ATOSA: variants seen among roughly 807,000 people sequenced by gnomAD.
ATOSA encodes the protein atos homolog protein A.
the ATOSA span, among the ~76,000 whole-genome samples, chr15:52,620,122 C>G: frequency 6.6e-6 from 1 of 152,060 alleles, no homozygotes; most frequent in Non-Finnish European, 1.5e-5. Context: ...TTCTGTCCAT[C>G]GAGAAAAGTG....
the ATOSA span, among the ~76,000 whole-genome samples, chr15:52,660,551 A>G: frequency 1.3e-5 from 2 of 152,228 alleles, no homozygotes; most frequent in Non-Finnish European, 2.9e-5. Context: ...TATTTCCTTC[A>G]GCGCACTTGG....
At chr15:52,649,627 A>C in the ATOSA span, 143 of 152,288 alleles carry the variant, frequency 9.4e-4, no homozygotes, top group African/African-American at 3.2e-3. Flanking sequence ...TTTGAGAATT[A>C]AAGTATTTTT....
chr15:52,651,962 A>G, the ATOSA span: 1 of 1,534,716 alleles, frequency 6.5e-7, no homozygotes, highest in Non-Finnish European at 8.7e-7. Flanking sequence ...CTATACTATC[A>G]GTAACTGAGG....
chr15:52,705,577 A>G, the ATOSA span, among the ~76,000 whole-genome samples: 2 of 152,192 alleles, frequency 1.3e-5, no homozygotes, highest in East Asian at 3.8e-4. Context: ...TTGCAGCATT[A>G]CATCAATTTA....
At chr15:52,674,624 T>C in the ATOSA span, among the ~76,000 whole-genome samples, 1 of 152,204 alleles carries the variant, frequency 6.6e-6, no homozygotes, top group Non-Finnish European at 1.5e-5. Flanking sequence ...TATCCTTCTG[T>C]AGCTTTTATA....
chr15:52,596,036 C>T, the ATOSA span, among the ~76,000 whole-genome samples: 2 of 152,082 alleles, frequency 1.3e-5, no homozygotes, highest in Non-Finnish European at 2.9e-5. Flanking sequence ...AATGCTTCAA[C>T]CCAGGAGATC....
the ATOSA span, among the ~76,000 whole-genome samples, chr15:52,648,212 C>T: frequency 6.6e-6 from 1 of 152,078 alleles, no homozygotes; most frequent in Non-Finnish European, 1.5e-5. Context: ...ATCCCACAAT[C>T]ATCCTAAAAT....
At chr15:52,599,169 C>T in the ATOSA span, among the ~76,000 whole-genome samples, 2 of 152,246 alleles carry the variant, frequency 1.3e-5, no homozygotes, top group Non-Finnish European at 2.9e-5. Context: ...ACATATCAGA[C>T]TGCTCTCTTT....
At chr15:52,614,023 T>C in the ATOSA span, 1 of 669,864 alleles carries the variant, frequency 1.5e-6, no homozygotes, top group South Asian at 1.6e-5. Flanking sequence ...ATTCACAAAC[T>C]ACAGAAGTGA....
the ATOSA span, chr15:52,678,439 C>A: frequency 2.8e-5 from 5 of 180,272 alleles, no homozygotes; most frequent in Non-Finnish European, 4.7e-5. Flanking sequence ...CCCCTTCGTA[C>A]AAAAACGCCT....
the ATOSA span, chr15:52,611,320 C>G: frequency 6.4e-7 from 1 of 1,571,736 alleles, no homozygotes; most frequent in Non-Finnish European, 8.6e-7. Context: ...TTTAGAATGG[C>G]AGAAGCTGAG....
the ATOSA span, among the ~76,000 whole-genome samples, chr15:52,634,551 T>TA: frequency 1.3e-5 from 2 of 151,626 alleles, no homozygotes; most frequent in African/African-American, 4.9e-5. Flanking sequence ...TTTTTTTTTT[T>TA]TAAAAAGCAA....
chr15:52,698,201 G>A, the ATOSA span, among the ~76,000 whole-genome samples: 19 of 151,748 alleles, frequency 1.3e-4, no homozygotes, highest in East Asian at 3.1e-3. Flanking sequence ...GGATGGTCTT[G>A]ATCTCCTGAC....
At chr15:52,674,383 C>G in the ATOSA span, among the ~76,000 whole-genome samples, 1 of 152,068 alleles carries the variant, frequency 6.6e-6, no homozygotes, top group African/African-American at 2.4e-5. Context: ...CTTGAAACAC[C>G]AGGTATTCAA....
At chr15:52,583,259 T>C in the ATOSA span, among the ~76,000 whole-genome samples, 1 of 152,232 alleles carries the variant, frequency 6.6e-6, no homozygotes, top group Admixed American at 6.5e-5. Context: ...CTGGCCAGTA[T>C]TGGTTTTGGT....
chr15:52,611,717 T>C, the ATOSA span: 10 of 1,614,016 alleles, frequency 6.2e-6, no homozygotes, highest in Non-Finnish European at 8.5e-6. Context: ...TCCACCATGA[T>C]TGGAAGGTTA....
At chr15:52,670,359 C>T in the ATOSA span, among the ~76,000 whole-genome samples, 71 of 152,144 alleles carry the variant, frequency 4.7e-4, no homozygotes, top group African/African-American at 1.6e-3. Flanking sequence ...TTTACCTTTC[C>T]CACAAGGCTT....
At chr15:52,702,438 C>T in the ATOSA span, among the ~76,000 whole-genome samples, 1 of 152,124 alleles carries the variant, frequency 6.6e-6, no homozygotes, top group Admixed American at 6.6e-5. Context: ...AAAAAGAAAA[C>T]AAAATCACGT....
chr15:52,613,784 T>C, the ATOSA span: 1 of 1,613,826 alleles, frequency 6.2e-7, no homozygotes, highest in Non-Finnish European at 8.5e-7. Flanking sequence ...CAGGTGTTCG[T>C]CCTTCTGTTA....
Sources: allele counts gnomAD v4.1 joint callset (sites outside exome capture counted in the v4.1 genomes callset), GRCh38; gene constraint gnomAD v4.1.1; transcripts MANE v1.5; gene names NCBI Gene and HGNC (gene_info 2026-07-23, HGNC 2026-07-21).